Variants in GDPD1 observed in about 807,000 individuals in gnomAD.
GDPD1 encodes lysophospholipase D GDPD1.
Under a neutral mutation model 45.1 loss-of-function variants are expected in GDPD1, and 28 were observed. The ratio of observed to expected loss-of-function variants is 0.62; its 90% CI spans 0.46 to 0.85. The LOEUF (loss-of-function observed/expected upper bound fraction) is 0.85. Ranked by LOEUF, GDPD1 falls within the 40% of genes least tolerant of loss-of-function variation. GDPD1 has a pLI of 0.00. For synonymous variants in GDPD1, 139 were observed against 131.4 expected (o/e 1.06, Z -0.40); for missense variants, 256 against 364.8 (o/e 0.70, Z 2.43).
At chr17:59,253,731 T>A (rs2047273884) in intron 4 of GDPD1, among the ~76,000 whole-genome samples, 1 of 152,080 alleles carries the variant, frequency 6.6e-6, no homozygotes, top group Non-Finnish European at 1.5e-5. Context: ...CAGTCTTCCT[T>A]ATGAGCTTCA....
chr17:59,270,699 C>CATTT lies in GDPD1; in HGVS notation c.711-213_711-210dup, dbSNP rs528102639. On this transcript the variant is annotated intron_variant, in intron 7 of 9. Coordinates refer to ENST00000284116, the MANE Select transcript of GDPD1 (RefSeq NM_182569.4). ...GACAATATTTATTTATTTATGTATGCATTTATTTATTTATTTATTTATTTA... is the reference window on the plus strand; with the variant it reads ...GACAATATTTATTTATTTATGTATGCATTTATTTATTTATTTATTTATTTATTTA... Among the ~76,000 whole-genome samples the CATTT allele has an allele frequency of 7.0e-3, 1,065 of 151,908 alleles. 18 individuals carry two copies. The East Asian group carries it at 0.078, about 11-fold the overall frequency.
chr17:59,246,709 CAAAAAAAAA>C (rs749077536), intron 3 of GDPD1, among the ~76,000 whole-genome samples: 1 of 27,564 alleles, frequency 3.6e-5, no homozygotes, highest in African/African-American at 1.6e-4. Context: ...GACTCCATCT[CAAAAAAAAA>C]AAAAAAAAAA....
intron 4 of GDPD1, among the ~76,000 whole-genome samples, chr17:59,255,026 A>G (rs1453497270): frequency 6.6e-6 from 1 of 152,226 alleles, no homozygotes; most frequent in Non-Finnish European, 1.5e-5. Flanking sequence ...CAAGAAGTAT[A>G]GTAACAGACT....
chr17:59,265,727 A>G (rs1414437343), intron 6 of GDPD1, among the ~76,000 whole-genome samples: 1 of 151,440 alleles, frequency 6.6e-6, no homozygotes, highest in Non-Finnish European at 1.5e-5. Flanking sequence ...GTGAAACCTC[A>G]TATCTACAAA....
intron 1 of GDPD1, among the ~76,000 whole-genome samples, chr17:59,224,467 C>CA (rs929191401): frequency 2.0e-5 from 3 of 151,628 alleles, no homozygotes; most frequent in South Asian, 2.1e-4. Context: ...ACTAAAAATA[C>CA]AAAAAAAGTT....
At chr17:59,230,351 T>C (rs983776422) in intron 1 of GDPD1, among the ~76,000 whole-genome samples, 1 of 150,014 alleles carries the variant, frequency 6.7e-6, no homozygotes, top group African/African-American at 2.5e-5. Context: ...CTGTGAATAT[T>C]GAACAGGCCA....
intron 6 of GDPD1, among the ~76,000 whole-genome samples, chr17:59,263,206 A>G (rs532552564): frequency 3.4e-4 from 52 of 152,026 alleles, no homozygotes; most frequent in Admixed American, 2.4e-3. Context: ...TAATTTTGAA[A>G]TTTTTTGTAG....
chr17:59,264,347 G>T (rs532328602), intron 6 of GDPD1, among the ~76,000 whole-genome samples: 1 of 151,736 alleles, frequency 6.6e-6, no homozygotes, highest in Middle Eastern at 3.4e-3. Context: ...ACACTGGGGT[G>T]CAGTGGCACG....
intron 1 of GDPD1, among the ~76,000 whole-genome samples, chr17:59,230,225 A>G (rs551434914): frequency 3.4e-4 from 52 of 152,204 alleles, no homozygotes; most frequent in South Asian, 6.2e-4. Context: ...GAAGTTTTAT[A>G]TATATCAGAA....
chr17:59,250,912 C>G (rs1001334811), intron 4 of GDPD1, among the ~76,000 whole-genome samples: 1 of 152,038 alleles, frequency 6.6e-6, no homozygotes, highest in Non-Finnish European at 1.5e-5. Flanking sequence ...ATTGGCCAGG[C>G]TGGTCTTGAA....
At chr17:59,238,381 C>G (rs2047150368) in intron 2 of GDPD1, among the ~76,000 whole-genome samples, 1 of 151,554 alleles carries the variant, frequency 6.6e-6, no homozygotes, top group South Asian at 2.1e-4. Context: ...CACCATCTCC[C>G]TTAGGTTATG....
Position 59,257,235 on chromosome 17 carries a change from A to G in GDPD1, c.481A>G (p.Lys161Glu), listed in dbSNP as rs769422204. Residue 161 changes from lysine to glutamate, a missense_variant, in exon 5 of 10, where the codon AAG becomes GAG. Coordinates refer to ENST00000284116, the MANE Select transcript of GDPD1 (RefSeq NM_182569.4). Reference protein sequence around the residue: ...DIKVNNNVLIKKVSELVKRYN... With the variant: ...DIKVNNNVLIEKVSELVKRYN... ...CAAAGTCAACAACAATGTGCTGATT[A>G]AGAAGGTACTCAAGGCATTGCCTCC... The G allele has an allele frequency of 1.3e-6, 2 of 1,542,316 alleles. No homozygotes were observed. Among genetic ancestry groups the G allele is most frequent in the Non-Finnish European group, 1.8e-6 (2 of 1,127,126 alleles).
chr17:59,254,973 A>T (rs2047285321), intron 4 of GDPD1, among the ~76,000 whole-genome samples: 1 of 152,212 alleles, frequency 6.6e-6, no homozygotes, highest in Non-Finnish European at 1.5e-5. Context: ...AGAGCCAATG[A>T]TTGACAGTCC....
At chr17:59,233,313 A>G (rs1272308476) in intron 1 of GDPD1, among the ~76,000 whole-genome samples, 3 of 152,252 alleles carry the variant, frequency 2.0e-5, no homozygotes, top group Middle Eastern at 6.8e-3. Flanking sequence ...GGAAATGGAG[A>G]CCATCCTGGC....
rs142497686 is a variant in GDPD1, at chr17:59,257,149, G to A, written c.395G>A (p.Arg132Gln). ...TGCCAGTGTGAAGGAAAAGATAACC[G>A]AATTCCATTACTGAAGGAAGTTTTT... is the stretch of plus-strand genomic sequence containing the variant. ...RACQCEGKDN[R>Q]IPLLKEVFEA... The change falls in exon 5 of 10, where the codon CGA becomes CAA. Residue 132 changes from arginine (R) to glutamine (Q), a missense_variant. Coordinates refer to ENST00000284116, the MANE Select transcript of GDPD1 (RefSeq NM_182569.4). 2.1e-5 allele frequency: 33 copies of A among 1,598,822 alleles called. No homozygotes were observed. The highest frequency in any genetic ancestry group is 1.3e-4 in the African/African-American group (10 of 74,406).
intron 2 of GDPD1, among the ~76,000 whole-genome samples, chr17:59,239,102 A>G (rs945117405): frequency 1.3e-5 from 2 of 152,234 alleles, no homozygotes; most frequent in African/African-American, 4.8e-5. Context: ...TTGTATTAGC[A>G]ATAGCTAGAA....
rs541697875 is a variant in GDPD1 at position 59,232,382 on chromosome 17, G to A, written c.143-2110G>A. Among the ~76,000 whole-genome samples the A allele has an allele frequency of 3.9e-5, 6 of 151,900 alleles. No homozygotes were observed. The South Asian group carries it at 6.2e-4, about 16-fold the overall frequency. On this transcript the variant is annotated intron_variant, in intron 1 of 9. Coordinates refer to ENST00000284116, the MANE Select transcript of GDPD1 (RefSeq NM_182569.4). ...GGAGAATCGCTTGAACCTGGGAGGCGGAGGTTACGTTGAGCCGAGATCACG... is the reference window on the plus strand; with the variant it reads ...GGAGAATCGCTTGAACCTGGGAGGCAGAGGTTACGTTGAGCCGAGATCACG...
At chr17:59,227,247 C>A (rs1052578569) in intron 1 of GDPD1, among the ~76,000 whole-genome samples, 1 of 151,492 alleles carries the variant, frequency 6.6e-6, no homozygotes, top group South Asian at 2.1e-4. Context: ...GTTGAAACCC[C>A]GTCTCTACTA....
chr17:59,231,029 C>A (rs1370463835), intron 1 of GDPD1, among the ~76,000 whole-genome samples: 1 of 152,116 alleles, frequency 6.6e-6, no homozygotes, highest in African/African-American at 2.4e-5. Context: ...GAATTTCTTA[C>A]CAGTCCGTTA....
Sources: allele counts gnomAD v4.1 joint callset (sites outside exome capture counted in the v4.1 genomes callset), GRCh38; gene constraint gnomAD v4.1.1; transcripts MANE v1.5; gene names NCBI Gene and HGNC (gene_info 2026-07-23, HGNC 2026-07-21).